Variants in CACNA2D3 observed in about 807,000 individuals in gnomAD.
CACNA2D3 encodes calcium voltage-gated channel auxiliary subunit alpha2delta 3.
CACNA2D3 carries 60 observed loss-of-function variants against 160.6 expected under a neutral mutation model. The observed-to-expected ratio is 0.37, with a 90% CI of 0.30 to 0.46. The LOEUF (loss-of-function observed/expected upper bound fraction) is 0.46. Among genes scored for constraint, CACNA2D3 ranks in the 20% least tolerant of loss-of-function variants. The pLI, the probability that CACNA2D3 is intolerant of heterozygous loss-of-function variation, is 1.00. For synonymous variants in CACNA2D3, 558 were observed against 492.9 expected (o/e 1.13, Z -1.75); for missense variants, 1,205 against 1,365.0 (o/e 0.88, Z 1.85).
intron 2 of CACNA2D3, among the ~76,000 whole-genome samples, chr3:54,178,651 G>C (rs887909415): frequency 1.3e-5 from 2 of 152,238 alleles, no homozygotes; most frequent in Non-Finnish European, 2.9e-5. Context: ...AATCCAACCA[G>C]TCTGCATCTT....
At chr3:54,762,018 C>T (rs905012570) in intron 12 of CACNA2D3, among the ~76,000 whole-genome samples, 4 of 152,178 alleles carry the variant, frequency 2.6e-5, no homozygotes, top group Admixed American at 1.3e-4. Flanking sequence ...GGCACACATA[C>T]TCTCTTTAAT....
At position 54,210,442 on chromosome 3, in the gene CACNA2D3, T is replaced by TTGTG. The variant is rs112519809; in HGVS notation, c.204+86864_204+86867dup. ...AAAGTTTTTGTGTGTGTGTGTGTGT[T>TTGTG]TGTGTGTGTGTGTGTGTGTTTAAGA... On this transcript the variant is annotated intron_variant, in intron 2 of 37. Transcript: ENST00000474759. 5.1e-3 allele frequency among the ~76,000 whole-genome samples: 751 copies of TTGTG among 148,184 alleles called. 3 individuals carry two copies. Among genetic ancestry groups the TTGTG allele is most frequent in the African/African-American group, 0.017 (676 of 40,546 alleles).
At chr3:55,011,282 G>T (rs1703206369) in intron 34 of CACNA2D3, among the ~76,000 whole-genome samples, 1 of 152,194 alleles carries the variant, frequency 6.6e-6, no homozygotes, top group Non-Finnish European at 1.5e-5. Flanking sequence ...ATGCACATTG[G>T]TCTGGTGACC....
chr3:54,704,416 C>T (rs1195496955), intron 11 of CACNA2D3, among the ~76,000 whole-genome samples: 1 of 152,106 alleles, frequency 6.6e-6, no homozygotes, highest in Admixed American at 6.5e-5. Flanking sequence ...ACTGGATCCC[C>T]AGTTCATACA....
intron 13 of CACNA2D3, among the ~76,000 whole-genome samples, chr3:54,810,843 G>C (rs755009642): frequency 5.9e-5 from 9 of 152,174 alleles, no homozygotes; most frequent in Non-Finnish European, 1.2e-4. Flanking sequence ...GAAATGAAGT[G>C]AATTAGGAGA....
intron 27 of CACNA2D3, chr3:54,918,747 G>A: frequency 1.2e-6 from 2 of 1,614,154 alleles, no homozygotes; most frequent in South Asian, 2.2e-5. Flanking sequence ...CCACACCGTG[G>A]GCAGAGCCGG....
chr3:54,438,277 T>C (rs1423173794), intron 4 of CACNA2D3, among the ~76,000 whole-genome samples: 9 of 152,196 alleles, frequency 5.9e-5, no homozygotes, highest in Non-Finnish European at 8.8e-5. Flanking sequence ...AAAATAATTG[T>C]AATATAATTA....
rs147856214 is a variant in CACNA2D3 at position 54,802,996 on chromosome 3, G to C, written c.1381-13857G>C. On this transcript the variant is annotated intron_variant, in intron 13 of 37. Transcript: ENST00000474759. ...AAACTTCAACAGACATGCAGCTGAG[G>C]GTCCTGTCTGGTAGAAGGAAAACTA... Among the ~76,000 whole-genome samples, 591 of 152,244 alleles carry C rather than the reference G, an allele frequency of 3.9e-3. 6 individuals carry two copies. The highest frequency in any genetic ancestry group is 0.014 in the African/African-American group (575 of 41,538).
chr3:54,291,729 T>C (rs1457482875), intron 2 of CACNA2D3, among the ~76,000 whole-genome samples: 1 of 152,182 alleles, frequency 6.6e-6, no homozygotes, highest in African/African-American at 2.4e-5. Flanking sequence ...ACTGTGATCG[T>C]GGAGCAGGTG....
chr3:54,366,284 A>G (rs1698826189), intron 3 of CACNA2D3, among the ~76,000 whole-genome samples: 2 of 152,328 alleles, frequency 1.3e-5, no homozygotes, highest in Middle Eastern at 3.4e-3. Flanking sequence ...CCACATGTGG[A>G]AAAGACCTGC....
At chr3:54,916,800 A>T (rs1486212686) in intron 27 of CACNA2D3, among the ~76,000 whole-genome samples, 1 of 152,244 alleles carries the variant, frequency 6.6e-6, no homozygotes, top group East Asian at 1.9e-4. Context: ...TAGGATCCAA[A>T]CCAATCATTA....
chr3:54,608,533 C>T (rs1369608612), intron 9 of CACNA2D3, among the ~76,000 whole-genome samples: 2 of 152,158 alleles, frequency 1.3e-5, no homozygotes, highest in Non-Finnish European at 2.9e-5. Context: ...TTTGCATGCA[C>T]GTGGCCTGGC....
intron 29 of CACNA2D3, among the ~76,000 whole-genome samples, chr3:54,975,222 C>T (rs761217002): frequency 1.1e-4 from 17 of 152,076 alleles, no homozygotes; most frequent in Non-Finnish European, 2.5e-4. Context: ...ACAGCAGTGT[C>T]TATAAAGAAA....
intron 2 of CACNA2D3, among the ~76,000 whole-genome samples, chr3:54,296,411 C>A (rs2107484253): frequency 6.6e-6 from 1 of 152,284 alleles, no homozygotes; most frequent in South Asian, 2.1e-4. Context: ...ATCACATAGA[C>A]CCAGGTCTGT....
intron 3 of CACNA2D3, among the ~76,000 whole-genome samples, chr3:54,359,463 C>T (rs541021581): frequency 6.6e-6 from 1 of 152,266 alleles, no homozygotes; most frequent in East Asian, 1.9e-4. Context: ...AGTGAGCTGG[C>T]AGGCGTCCTA....
chr3:54,482,479 T>A (rs544776999), intron 4 of CACNA2D3, among the ~76,000 whole-genome samples: 1 of 152,310 alleles, frequency 6.6e-6, no homozygotes, highest in Non-Finnish European at 1.5e-5. Flanking sequence ...ATTGAGGTGG[T>A]TTAAACCAAT....
At chr3:54,836,138 G>T (rs1698674517) in intron 14 of CACNA2D3, among the ~76,000 whole-genome samples, 1 of 151,930 alleles carries the variant, frequency 6.6e-6, no homozygotes, top group East Asian at 1.9e-4. Flanking sequence ...CAGGTGCAAT[G>T]GTGTGTCTCC....
chr3:54,783,595 G>C (rs1702574772), intron 13 of CACNA2D3, among the ~76,000 whole-genome samples: 1 of 151,962 alleles, frequency 6.6e-6, no homozygotes, highest in African/African-American at 2.4e-5. Flanking sequence ...GACCGAGTAA[G>C]ACTCCATCTC....
chr3:54,659,925 C>T (rs1277135365), intron 11 of CACNA2D3, among the ~76,000 whole-genome samples: 1 of 152,072 alleles, frequency 6.6e-6, no homozygotes, highest in Non-Finnish European at 1.5e-5. Context: ...CAGATTTAGG[C>T]CAAAGCATGG....
Sources: allele counts gnomAD v4.1 joint callset (sites outside exome capture counted in the v4.1 genomes callset), GRCh38; gene constraint gnomAD v4.1.1; transcripts MANE v1.5; gene names NCBI Gene and HGNC (gene_info 2026-07-23, HGNC 2026-07-21).